ROR1: variants seen among roughly 807,000 people sequenced by gnomAD.
ROR1 encodes the protein ROR family WNT receptor 1.
A neutral mutation model predicts 78.8 loss-of-function variants in ROR1; 19 were observed. That is an observed-to-expected ratio of 0.24 (90% CI 0.17 to 0.35). The LOEUF (loss-of-function observed/expected upper bound fraction) is 0.35. ROR1 is among the 10% of genes least tolerant of loss of function. The probability of loss-of-function intolerance (pLI) is 1.00; values close to 1 mark genes in which losing one functional copy is unlikely to be tolerated. For synonymous variants in ROR1, 386 were observed against 433.6 expected (o/e 0.89, Z 1.36); for missense variants, 917 against 1,177.8 (o/e 0.78, Z 3.24).
At chr1:64,022,439 C>A (rs1162080003) in intron 2 of ROR1, among the ~76,000 whole-genome samples, 1 of 152,144 alleles carries the variant, frequency 6.6e-6, no homozygotes, top group African/African-American at 2.4e-5. Flanking sequence ...TCTAAATAAA[C>A]AAAACAGTCA....
At chr1:64,135,130 A>C (rs966190481) in intron 4 of ROR1, among the ~76,000 whole-genome samples, 2 of 152,082 alleles carry the variant, frequency 1.3e-5, no homozygotes, top group Non-Finnish European at 2.9e-5. Context: ...CTCCCAGGAG[A>C]CTGAACAGGA....
intron 2 of ROR1, among the ~76,000 whole-genome samples, chr1:64,034,473 G>A (rs1030200565): frequency 1.3e-5 from 2 of 152,116 alleles, no homozygotes; most frequent in African/African-American, 4.8e-5. Context: ...AGGGTGTCTT[G>A]TTTGGCACCT....
At chr1:64,069,628 A>G (rs1431876011) in intron 4 of ROR1, among the ~76,000 whole-genome samples, 3 of 152,258 alleles carry the variant, frequency 2.0e-5, no homozygotes, top group Non-Finnish European at 4.4e-5. Context: ...TTGCAAAGTA[A>G]AATGTTATTC....
At chr1:63,975,549 C>T (rs17125907) in intron 1 of ROR1, among the ~76,000 whole-genome samples, 4,647 of 152,104 alleles carry the variant, frequency 0.031, 239 homozygotes, top group African/African-American at 0.1. Context: ...AGCAGTTATG[C>T]GGAAACCTTT....
chr1:63,781,032 A>G (rs1194015109), intron 1 of ROR1, among the ~76,000 whole-genome samples: 4 of 152,180 alleles, frequency 2.6e-5, no homozygotes, highest in South Asian at 4.1e-4. Context: ...TTACCCAAAG[A>G]GAGAAGAGTA....
chr1:64,063,042 G>A (rs892307247), intron 4 of ROR1, among the ~76,000 whole-genome samples: 2 of 152,102 alleles, frequency 1.3e-5, no homozygotes, highest in Non-Finnish European at 2.9e-5. Flanking sequence ...GGGTTTCTTA[G>A]AAAGAAGTGA....
rs138947104 is a variant in ROR1, at chr1:63,999,291, C to T, written c.92-10014C>T. ...TGTAGACCATCTTTTCTATGAAGATCGGAGTCTTTCTTGGGGAGGTGCTAT... is the reference window on the plus strand; with the variant it reads ...TGTAGACCATCTTTTCTATGAAGATTGGAGTCTTTCTTGGGGAGGTGCTAT... On this transcript the variant is annotated intron_variant, in intron 1 of 8. Coordinates refer to ENST00000371079, the MANE Select transcript of ROR1 (RefSeq NM_005012.4). Among the ~76,000 whole-genome samples, 29 of 152,290 alleles carry T rather than the reference C, an allele frequency of 1.9e-4. No homozygotes were observed. In the East Asian group the frequency reaches 4.8e-3, roughly 25 times the overall value.
In ROR1 at chr1:64,178,550, C is replaced by G; in HGVS notation, c.2509C>G (p.Gln837Glu). ...TGCAGCGTTTCCAGCTGCCCACTAC[C>G]AGCCAACAGGTCCTCCCAGAGTGAT... is the stretch of plus-strand genomic sequence containing the variant. ...GYAAFPAAHY[Q>E]PTGPPRVIQH... The change falls in exon 9 of 9, where the codon CAG becomes GAG. Residue 837 changes from glutamine (Q) to glutamate (E), a missense_variant. Gln to Glu is a conservative substitution (Grantham distance 29, BLOSUM62 2). This residue lies in a region of ROR1 where 835 missense variants were observed against 1,069.8 expected (regional missense o/e 0.78). Transcript: ENST00000371079. The surrounding 1 kb of genome is among the most constrained non-coding windows in gnomAD (Gnocchi z 4.3). 1 of 1,614,178 alleles carries G rather than the reference C, an allele frequency of 6.2e-7. No individual in the cohort carries two copies. Among genetic ancestry groups the G allele is most frequent in the Non-Finnish European group, 8.5e-7 (1 of 1,180,036 alleles).
chr1:63,924,986 C>A (rs1336233394), intron 1 of ROR1, among the ~76,000 whole-genome samples: 1 of 145,912 alleles, frequency 6.9e-6, no homozygotes, highest in African/African-American at 2.5e-5. Context: ...CCAGATGACA[C>A]CTTTTTCTTT....
chr1:63,837,660 A>G (rs1043930260), intron 1 of ROR1, among the ~76,000 whole-genome samples: 3 of 152,168 alleles, frequency 2.0e-5, no homozygotes, highest in Non-Finnish European at 4.4e-5. Context: ...GTTTCTACAA[A>G]CAATACAACA....
At chr1:63,892,533 T>G (rs1300957108) in intron 1 of ROR1, among the ~76,000 whole-genome samples, 3 of 152,182 alleles carry the variant, frequency 2.0e-5, no homozygotes, top group Non-Finnish European at 2.9e-5. Context: ...ATTGTCTATT[T>G]TACAGATGTG....
chr1:64,013,470 C>A (rs1646493463), intron 2 of ROR1, among the ~76,000 whole-genome samples: 1 of 152,234 alleles, frequency 6.6e-6, no homozygotes, highest in South Asian at 2.1e-4. Flanking sequence ...CTAAACATAC[C>A]ATTCTCTTTC....
At chr1:63,896,057 A>T (rs965614943) in intron 1 of ROR1, among the ~76,000 whole-genome samples, 26 of 152,232 alleles carry the variant, frequency 1.7e-4, no homozygotes, top group African/African-American at 6.0e-4. Flanking sequence ...ACAGTGCCCT[A>T]GATGAGTGGC....
At chr1:64,047,384 A>T (rs1646792504) in intron 2 of ROR1, among the ~76,000 whole-genome samples, 2 of 152,194 alleles carry the variant, frequency 1.3e-5, no homozygotes, top group Admixed American at 6.5e-5. Context: ...CAGTTCCCTC[A>T]GATGGAGCCC....
At chr1:63,825,270 C>T (rs563571107) in intron 1 of ROR1, among the ~76,000 whole-genome samples, 1 of 152,248 alleles carries the variant, frequency 6.6e-6, no homozygotes, top group East Asian at 1.9e-4. Context: ...AAATTAGAAA[C>T]AACCTAAATG....
chr1:63,847,829 CTGA>C (rs1476491284), intron 1 of ROR1, among the ~76,000 whole-genome samples: 1 of 152,174 alleles, frequency 6.6e-6, no homozygotes, highest in Non-Finnish European at 1.5e-5. Flanking sequence ...CTCCCTGCTG[CTGA>C]TAAGTCCCAT....
intron 4 of ROR1, among the ~76,000 whole-genome samples, chr1:64,125,811 A>C (rs1044806839): frequency 2.0e-5 from 3 of 152,226 alleles, no homozygotes; most frequent in Admixed American, 6.5e-5. Flanking sequence ...AGGTCTGTGT[A>C]GCCATAGCAG....
chr1:64,078,199 TA>T (rs1227875931), intron 4 of ROR1, among the ~76,000 whole-genome samples: 1 of 152,162 alleles, frequency 6.6e-6, no homozygotes, highest in African/African-American at 2.4e-5. Context: ...GCTATAATAG[TA>T]GTTTGATTCT....
chr1:64,055,689 T>C (rs1426371184), intron 4 of ROR1, among the ~76,000 whole-genome samples: 1 of 152,216 alleles, frequency 6.6e-6, no homozygotes, highest in African/African-American at 2.4e-5. Context: ...CCAGGACCTT[T>C]CTCTCTTTTT....
Sources: allele counts gnomAD v4.1 joint callset (sites outside exome capture counted in the v4.1 genomes callset), GRCh38; gene constraint gnomAD v4.1.1; regional missense constraint gnomAD v4.1.1; non-coding constraint Gnocchi (gnomAD v3.1); transcripts MANE v1.5; gene names NCBI Gene and HGNC (gene_info 2026-07-23, HGNC 2026-07-21).